The following ANO4 variants were observed in gnomAD, a reference collection of about 807,000 sequenced individuals.
The protein encoded by ANO4 is anoctamin-4.
In ANO4, 69 loss-of-function variants were observed where a neutral mutation model predicts 141.9. That is an observed-to-expected ratio of 0.49 (90% CI 0.40 to 0.59). ANO4 has a LOEUF of 0.59. ANO4 is among the 20% of genes least tolerant of loss of function. The pLI, the probability that ANO4 is intolerant of heterozygous loss-of-function variation, is 0.00. For missense variants in ANO4, 894 were observed against 1,162.2 expected (o/e 0.77, Z 3.36); for synonymous variants, 350 against 394.3 (o/e 0.89, Z 1.33).
chr12:100,759,050 G>C (rs1166588923), intron 3 of ANO4, among the ~76,000 whole-genome samples: 1 of 152,104 alleles, frequency 6.6e-6, no homozygotes, highest in African/African-American at 2.4e-5. Flanking sequence ...TGAGGGTCCA[G>C]ATGGGCATAT....
chr12:100,991,601 A>G (rs768589882), intron 8 of ANO4, among the ~76,000 whole-genome samples: 5 of 151,118 alleles, frequency 3.3e-5, no homozygotes, highest in Non-Finnish European at 7.4e-5. Flanking sequence ...ACCTTTCGAG[A>G]TTTTCCAACC....
chr12:100,801,308 C>A (rs2034675224), intron 1 of ANO4, among the ~76,000 whole-genome samples: 1 of 152,064 alleles, frequency 6.6e-6, no homozygotes, highest in Non-Finnish European at 1.5e-5. Flanking sequence ...ATTTTTCAAA[C>A]CAATGTGACT....
intron 2 of ANO4, among the ~76,000 whole-genome samples, chr12:100,906,968 G>T (rs2040875153): frequency 6.6e-6 from 1 of 152,172 alleles, no homozygotes; most frequent in African/African-American, 2.4e-5. Context: ...AATCTGAGAA[G>T]AGATTGACGA....
intron 2 of ANO4, among the ~76,000 whole-genome samples, chr12:100,915,340 T>G (rs1019131082): frequency 2.0e-5 from 3 of 152,206 alleles, no homozygotes; most frequent in Non-Finnish European, 2.9e-5. Flanking sequence ...GTTTGAGAAT[T>G]TGTATTAAGT....
At chr12:100,814,991 GGTGGAT>G (rs1374840253) in intron 1 of ANO4, among the ~76,000 whole-genome samples, 2 of 152,084 alleles carry the variant, frequency 1.3e-5, no homozygotes, top group African/African-American at 4.8e-5. Context: ...TCATGGATCA[GGTGGAT>G]GCTCTGGGAT....
At chr12:100,920,731 T>C (rs2041592118) in intron 2 of ANO4, among the ~76,000 whole-genome samples, 1 of 152,150 alleles carries the variant, frequency 6.6e-6, no homozygotes, top group South Asian at 2.1e-4. Flanking sequence ...CCGAAATGCA[T>C]ACCTGGGGTC....
chr12:100,772,592 A>G (rs2033346022), intron 3 of ANO4, among the ~76,000 whole-genome samples: 1 of 152,230 alleles, frequency 6.6e-6, no homozygotes, highest in African/African-American at 2.4e-5. Flanking sequence ...ACCAGGGCAG[A>G]TGCTGCTAAT....
intron 1 of ANO4, among the ~76,000 whole-genome samples, chr12:100,806,870 C>T (rs1224524005): frequency 6.6e-6 from 1 of 151,960 alleles, no homozygotes; most frequent in Non-Finnish European, 1.5e-5. Context: ...GAAAAATTCA[C>T]ATTTCCTTAT....
At chr12:101,011,335 TGCAATCTACCACAGAC>T (rs2046084676) in intron 8 of ANO4, among the ~76,000 whole-genome samples, 1 of 150,708 alleles carries the variant, frequency 6.6e-6, no homozygotes, top group Admixed American at 6.6e-5. Context: ...TTTTTTTTTT[TGCAATCTACCACAGAC>T]TGCTGTCTGG....
At chr12:100,957,206 G>A (rs140234264) in intron 5 of ANO4, among the ~76,000 whole-genome samples, 84 of 152,310 alleles carry the variant, frequency 5.5e-4, no homozygotes, top group Admixed American at 8.5e-4. Flanking sequence ...GAGGGCTTTT[G>A]TGCTTCGTCA....
chr12:101,018,350 G>A (rs1015548170), intron 8 of ANO4, among the ~76,000 whole-genome samples: 18 of 152,196 alleles, frequency 1.2e-4, no homozygotes, highest in African/African-American at 3.6e-4. Flanking sequence ...AGCGTTTATC[G>A]CTCATCCACC....
At chr12:101,059,566 G>C (rs542505558) in intron 14 of ANO4, among the ~76,000 whole-genome samples, 1 of 150,944 alleles carries the variant, frequency 6.6e-6, no homozygotes, top group South Asian at 2.1e-4. Context: ...TCAGGGGTTC[G>C]ACATCTTCCT....
At chr12:100,820,261 AT>A (rs2035967121) in intron 1 of ANO4, among the ~76,000 whole-genome samples, 1 of 150,426 alleles carries the variant, frequency 6.6e-6, no homozygotes, top group Non-Finnish European at 1.5e-5. Flanking sequence ...ATCTTACTCC[AT>A]TTTATTACCA....
At chr12:100,894,363 C>T (rs950991786) in intron 1 of ANO4, among the ~76,000 whole-genome samples, 14 of 152,054 alleles carry the variant, frequency 9.2e-5, no homozygotes, top group African/African-American at 2.9e-4. Context: ...ATCTTCAGGT[C>T]TCTGGGTTCG....
At chr12:101,103,139 C>A (rs1000005801) in intron 22 of ANO4, among the ~76,000 whole-genome samples, 4 of 140,808 alleles carry the variant, frequency 2.8e-5, no homozygotes, top group Admixed American at 2.2e-4. Flanking sequence ...ATAATTGTAT[C>A]ATCCACATAT....
intron 1 of ANO4, among the ~76,000 whole-genome samples, chr12:100,798,660 A>T (rs1239460793): frequency 6.6e-6 from 1 of 152,178 alleles, no homozygotes; most frequent in African/African-American, 2.4e-5. Context: ...ACTTCTTAGG[A>T]GTTGGAGGGA....
intron 3 of ANO4, among the ~76,000 whole-genome samples, chr12:100,763,241 C>T (rs904180709): frequency 3.3e-5 from 5 of 152,146 alleles, no homozygotes; most frequent in African/African-American, 9.7e-5. Flanking sequence ...CATATGGCCA[C>T]AAGGGTCTGT....
intron 1 of ANO4, among the ~76,000 whole-genome samples, chr12:100,865,501 A>G (rs1014674092): frequency 6.6e-6 from 1 of 152,200 alleles, no homozygotes; most frequent in Non-Finnish European, 1.5e-5. Context: ...GGCGAAGGAT[A>G]TGAACAGACA....
chr12:100,915,421 A>C (rs1233367039), intron 2 of ANO4, among the ~76,000 whole-genome samples: 4 of 152,210 alleles, frequency 2.6e-5, no homozygotes. Context: ...ACAGAAGCTC[A>C]GCTCTAGCAA....
Sources: allele counts gnomAD v4.1 joint callset (sites outside exome capture counted in the v4.1 genomes callset), GRCh38; gene constraint gnomAD v4.1.1; transcripts MANE v1.5; gene names NCBI Gene and HGNC (gene_info 2026-07-23, HGNC 2026-07-21).